The following CRPPA variants were observed in gnomAD, a reference collection of about 807,000 sequenced individuals.
CRPPA encodes the protein D-ribitol-5-phosphate cytidylyltransferase.
In CRPPA, 43 loss-of-function variants were observed where a neutral mutation model predicts 52.0. The ratio of observed to expected loss-of-function variants is 0.83; its 90% CI spans 0.65 to 1.07. The LOEUF is 1.07. Among genes scored for constraint, CRPPA ranks in the 50% least tolerant of loss-of-function variants. The pLI is 0.00. For missense variants in CRPPA, 629 were observed against 551.7 expected (o/e 1.14, Z -1.40); for synonymous variants, 250 against 203.5 (o/e 1.23, Z -1.94).
chr7:16,412,802 C>T (rs1788103673), intron 1 of CRPPA, among the ~76,000 whole-genome samples: 1 of 152,194 alleles, frequency 6.6e-6, no homozygotes, highest in African/African-American at 2.4e-5. Flanking sequence ...TCCTTTCTAG[C>T]ACATTCCATA....
chr7:16,399,826 T>C (rs1562683214), intron 2 of CRPPA, among the ~76,000 whole-genome samples: 2 of 152,024 alleles, frequency 1.3e-5, no homozygotes, highest in Non-Finnish European at 2.9e-5. Flanking sequence ...CGTCACGTGA[T>C]CAGCACGTGT....
intron 9 of CRPPA, among the ~76,000 whole-genome samples, chr7:16,152,091 A>G (rs1783086284): frequency 5.9e-5 from 9 of 151,988 alleles, no homozygotes; most frequent in Admixed American, 5.2e-4. Context: ...CAAATAGAGA[A>G]TGATTATATA....
At chr7:16,140,017 T>TA (rs921212696) in intron 9 of CRPPA, among the ~76,000 whole-genome samples, 5 of 151,852 alleles carry the variant, frequency 3.3e-5, no homozygotes, top group East Asian at 1.9e-4. Flanking sequence ...ATATTTCTGT[T>TA]AAAAAAAAGT....
intron 1 of CRPPA, among the ~76,000 whole-genome samples, chr7:16,420,488 T>C (rs1027634660): frequency 6.6e-6 from 1 of 152,156 alleles, no homozygotes; most frequent in Admixed American, 6.5e-5. Flanking sequence ...TTCAGTGCCC[T>C]TTCTAAGATA....
intron 9 of CRPPA, among the ~76,000 whole-genome samples, chr7:16,161,491 G>A (rs1783304132): frequency 6.6e-6 from 1 of 152,166 alleles, no homozygotes; most frequent in Admixed American, 6.6e-5. Flanking sequence ...TACATTTATT[G>A]GTTTGCATAT....
rs150002155 is a variant in CRPPA, at chr7:16,195,479, T to C, written c.1251+20587A>G. On this transcript the variant is annotated intron_variant, in intron 9 of 9. Transcript: ENST00000407010. ...CAGCCAATATTAGATCTAACTGCAC[T>C]GAGACAGGCATTTCCCAGAAGAGCT... is the stretch of plus-strand genomic sequence containing the variant. Among the ~76,000 whole-genome samples, 1,019 of 152,224 alleles carry C rather than the reference T, an allele frequency of 6.7e-3. 13 individuals are homozygous for C. The highest frequency in any genetic ancestry group is 0.023 in the African/African-American group (976 of 41,552).
rs570649068 is a variant in CRPPA, at chr7:16,308,413, C to T, written c.789+110G>A. 1,149 of 646,960 alleles carry T rather than the reference C, an allele frequency of 1.8e-3. 5 individuals are homozygous for T. The highest frequency in any genetic ancestry group is 6.6e-3 in the South Asian group (346 of 52,728). 40.1% of individuals were successfully genotyped at this position (646,960 alleles called of 1,614,324 possible). ...ACTACACATTGATGGTTCAGTAAAC[C>T]CGTGAGACTCCCTTAACTCCTACTC... On this transcript the variant is annotated intron_variant, in intron 4 of 9. Transcript: ENST00000407010.
Position 16,398,843 on chromosome 7 carries a change from G to A in CRPPA, c.534+7218C>T, listed in dbSNP as rs144958345. Reference sequence around the variant, plus strand: ...AATACGTTTGACACGTGACTGACGCGATTTACGTAACTGGCATGTGTCCAA... The same window carrying A: ...AATACGTTTGACACGTGACTGACGCAATTTACGTAACTGGCATGTGTCCAA... On this transcript the variant is annotated intron_variant, in intron 2 of 9. Transcript: ENST00000407010. Among the ~76,000 whole-genome samples the A allele has an allele frequency of 4.9e-3, 748 of 152,222 alleles. 4 individuals carry two copies. Among genetic ancestry groups the A allele is most frequent in the Non-Finnish European group, 8.1e-3 (553 of 67,990 alleles).
chr7:16,213,195 AC>A (rs1177072931), intron 9 of CRPPA, among the ~76,000 whole-genome samples: 2 of 152,214 alleles, frequency 1.3e-5, no homozygotes, highest in Non-Finnish European at 2.9e-5. Flanking sequence ...ATCATCAAAT[AC>A]AGATTTTTAG....
intron 9 of CRPPA, among the ~76,000 whole-genome samples, chr7:16,108,919 G>A (rs563001986): frequency 3.4e-4 from 51 of 151,640 alleles, no homozygotes; most frequent in African/African-American, 1.2e-3. Flanking sequence ...ATAGAAATGA[G>A]AACACAACAG....
intron 6 of CRPPA, 124 bp from the exon 7 acceptor site, chr7:16,259,136 A>T: frequency 2.1e-6 from 1 of 474,100 alleles, no homozygotes. Context: ...TTTTTAAAAA[A>T]ATGAAACATG....
chr7:16,215,033 C>T (rs1323337741), intron 9 of CRPPA, among the ~76,000 whole-genome samples: 1 of 152,142 alleles, frequency 6.6e-6, no homozygotes, highest in African/African-American at 2.4e-5. Flanking sequence ...AAACAACAAC[C>T]TTTAAGTTAA....
intron 8 of CRPPA, among the ~76,000 whole-genome samples, chr7:16,229,936 C>T (rs1782749678): frequency 6.6e-6 from 1 of 151,936 alleles, no homozygotes; most frequent in South Asian, 2.1e-4. Context: ...TTTTTTTCCC[C>T]CTTTTCAGCA....
intron 2 of CRPPA, among the ~76,000 whole-genome samples, chr7:16,400,401 G>C (rs866119687): frequency 1.3e-5 from 2 of 152,158 alleles, no homozygotes; most frequent in Non-Finnish European, 1.5e-5. Flanking sequence ...TGACAGGCCT[G>C]GCACATGACT....
At chr7:16,338,264 C>G (rs1785736803) in intron 3 of CRPPA, among the ~76,000 whole-genome samples, 2 of 152,092 alleles carry the variant, frequency 1.3e-5, no homozygotes, top group African/African-American at 4.8e-5. Flanking sequence ...ACGTAATATA[C>G]TACATTAACA....
chr7:16,281,109 T>C (rs746022428), intron 5 of CRPPA, among the ~76,000 whole-genome samples: 1 of 152,228 alleles, frequency 6.6e-6, no homozygotes, highest in Non-Finnish European at 1.5e-5. Context: ...AGTCCTTCAT[T>C]GCCACATAAA....
chr7:16,176,992 G>A (rs1241851527), intron 9 of CRPPA, among the ~76,000 whole-genome samples: 1 of 151,974 alleles, frequency 6.6e-6, no homozygotes. Flanking sequence ...ATTGATATAC[G>A]CAGCAACACA....
At chr7:16,401,433 G>A (rs1211351020) in intron 2 of CRPPA, among the ~76,000 whole-genome samples, 2 of 152,186 alleles carry the variant, frequency 1.3e-5, no homozygotes, top group Admixed American at 6.5e-5. Context: ...GGGTATGCAA[G>A]GTGAGAAGTG....
At chr7:16,198,026 A>AG in intron 9 of CRPPA, among the ~76,000 whole-genome samples, 1 of 122,658 alleles carries the variant, frequency 8.2e-6, no homozygotes, top group South Asian at 3.3e-4. Context: ...GGAAGGCCGC[A>AG]GGGACCTCTG....
Sources: allele counts gnomAD v4.1 joint callset (sites outside exome capture counted in the v4.1 genomes callset), GRCh38; gene constraint gnomAD v4.1.1; transcripts MANE v1.5; gene names NCBI Gene and HGNC (gene_info 2026-07-23, HGNC 2026-07-21).